The following PDE4D variants were observed in gnomAD, a reference collection of about 807,000 sequenced individuals.
PDE4D encodes phosphodiesterase 4D, also known as 3',5'-cyclic-AMP phosphodiesterase 4D.
A neutral mutation model predicts 87.4 loss-of-function variants in PDE4D; 24 were observed. The observed-to-expected ratio is 0.27, with a 90% CI of 0.20 to 0.39. PDE4D has a LOEUF of 0.39. PDE4D is among the 10% of genes least tolerant of loss of function. PDE4D has a pLI of 1.00. For synonymous variants in PDE4D, 384 were observed against 383.2 expected, an observed-to-expected ratio of 1.00 and a Z score of -0.02; for missense variants, 714 against 1,041.0, an observed-to-expected ratio of 0.69 and a Z score of 4.32.
At chr5:59,060,551 G>A (rs867500594) in intron 5 of PDE4D, among the ~76,000 whole-genome samples, 6 of 151,842 alleles carry the variant, frequency 4.0e-5, no homozygotes, top group Non-Finnish European at 2.9e-5. Context: ...TAAATTTTAC[G>A]TTCAGGGGTA....
At chr5:60,251,457 G>C (rs1327080265) in intron 1 of PDE4D, among the ~76,000 whole-genome samples, 2 of 151,944 alleles carry the variant, frequency 1.3e-5, no homozygotes, top group African/African-American at 4.8e-5. Context: ...AGAACATGCA[G>C]TATTTGGTTT....
chr5:59,319,617 A>T (rs1166402606), intron 1 of PDE4D, among the ~76,000 whole-genome samples: 2 of 152,154 alleles, frequency 1.3e-5, no homozygotes, highest in Non-Finnish European at 2.9e-5. Context: ...TGTGTGAGTG[A>T]AATAACAACA....
At position 60,333,556 on chromosome 5, in the gene PDE4D, T is replaced by C. The variant is rs191502656; in HGVS notation, c.-89-147869A>G. On this transcript the variant is annotated intron_variant, in intron 1 of 16. Coordinates refer to the PDE4D transcript ENST00000502484. ...GAGGCTCAGAAGGTTCCAAATATGG[T>C]TCCAACTCTGTGTCTGACTAACTAA... Among the ~76,000 whole-genome samples, 46 of 152,298 alleles carry C rather than the reference T, an allele frequency of 3.0e-4. 1 individual carries two copies. In the East Asian group the frequency reaches 8.1e-3, roughly 27 times the overall value.
intron 2 of PDE4D, among the ~76,000 whole-genome samples, chr5:60,053,871 C>T (rs563330397): frequency 3.9e-5 from 6 of 152,150 alleles, no homozygotes; most frequent in South Asian, 2.1e-4. Context: ...AAAAAGTGGG[C>T]GAAGGATATG....
intron 1 of PDE4D, among the ~76,000 whole-genome samples, chr5:59,551,159 T>C (rs145575081): frequency 2.2e-4 from 34 of 152,080 alleles, no homozygotes; most frequent in African/African-American, 7.0e-4. Context: ...ATTTTCTTCA[T>C]GCTTTCTCGC....
chr5:59,408,100 C>T (rs1336218299), intron 1 of PDE4D, among the ~76,000 whole-genome samples: 2 of 152,194 alleles, frequency 1.3e-5, no homozygotes, highest in Non-Finnish European at 2.9e-5. Context: ...AAGGCCTTTA[C>T]AGCATTTCAG....
At chr5:59,885,106 G>A (rs933495881) in intron 1 of PDE4D, among the ~76,000 whole-genome samples, 1 of 151,594 alleles carries the variant, frequency 6.6e-6, no homozygotes, top group Non-Finnish European at 1.5e-5. Context: ...CACTGATTTG[G>A]ACTGCTACCT....
At chr5:60,258,477 G>C (rs1242348950) in intron 1 of PDE4D, among the ~76,000 whole-genome samples, 1 of 151,862 alleles carries the variant, frequency 6.6e-6, no homozygotes, top group Non-Finnish European at 1.5e-5. Context: ...GTTCTTTGCT[G>C]GTGAACTTGC....
chr5:59,832,352 A>T (rs1741371817), intron 1 of PDE4D, among the ~76,000 whole-genome samples: 1 of 152,100 alleles, frequency 6.6e-6, no homozygotes, highest in Admixed American at 6.6e-5. Context: ...TGGATTTCTT[A>T]GGAAGATGTT....
intron 2 of PDE4D, among the ~76,000 whole-genome samples, chr5:60,079,844 G>C (rs552386856): frequency 6.6e-6 from 1 of 152,298 alleles, no homozygotes; most frequent in South Asian, 2.1e-4. Flanking sequence ...GCTTGGGATT[G>C]TTTTGGCCAT....
At chr5:59,751,857 C>T (rs1760531077) in intron 1 of PDE4D, among the ~76,000 whole-genome samples, 1 of 152,116 alleles carries the variant, frequency 6.6e-6, no homozygotes, top group Admixed American at 6.5e-5. Context: ...ATATCAAATT[C>T]CTTCCTAGGC....
chr5:59,318,314 C>T (rs577036836), intron 1 of PDE4D, among the ~76,000 whole-genome samples: 1 of 152,078 alleles, frequency 6.6e-6, no homozygotes, highest in Non-Finnish European at 1.5e-5. Context: ...TACAGATAAG[C>T]AAATTGAGGT....
intron 1 of PDE4D, among the ~76,000 whole-genome samples, chr5:59,406,764 T>C (rs1791739555): frequency 6.6e-6 from 1 of 152,214 alleles, no homozygotes; most frequent in Admixed American, 6.5e-5. Flanking sequence ...TCTTTTGTTC[T>C]TACTTGATAA....
At chr5:60,422,755 G>T (rs1743247914) in intron 1 of PDE4D, among the ~76,000 whole-genome samples, 1 of 152,156 alleles carries the variant, frequency 6.6e-6, no homozygotes, top group African/African-American at 2.4e-5. Flanking sequence ...CTGGCAAATT[G>T]GATAAAGAGT....
At chr5:59,996,102 T>C (rs1763504621) in intron 2 of PDE4D, among the ~76,000 whole-genome samples, 1 of 152,214 alleles carries the variant, frequency 6.6e-6, no homozygotes, top group African/African-American at 2.4e-5. Flanking sequence ...GTTCAAATAT[T>C]CTTTCAAATA....
intron 2 of PDE4D, among the ~76,000 whole-genome samples, chr5:60,108,428 T>C (rs965937667): frequency 1.4e-4 from 21 of 152,264 alleles, no homozygotes; most frequent in Non-Finnish European, 1.9e-4. Flanking sequence ...AAAATGGCCA[T>C]ACTGCCCAAG....
At chr5:60,420,929 T>C (rs1036761692) in intron 1 of PDE4D, among the ~76,000 whole-genome samples, 3 of 152,196 alleles carry the variant, frequency 2.0e-5, no homozygotes, top group African/African-American at 7.2e-5. Flanking sequence ...GACTTGCTCA[T>C]TGCTAGCAGA....
At chr5:60,262,796 CAG>C (rs1482527328) in intron 1 of PDE4D, among the ~76,000 whole-genome samples, 2 of 152,012 alleles carry the variant, frequency 1.3e-5, no homozygotes, top group African/African-American at 2.4e-5. Flanking sequence ...TCCCATATGA[CAG>C]GGTATTGTTT....
At chr5:59,135,050 C>T (rs1371547819) in intron 5 of PDE4D, among the ~76,000 whole-genome samples, 2 of 152,084 alleles carry the variant, frequency 1.3e-5, no homozygotes, top group South Asian at 2.1e-4. Context: ...ATTCAGTGCG[C>T]ACCAACAAGA....
Sources: gnomAD v4.1 joint callset for allele counts (sites outside exome capture counted in the v4.1 genomes callset) on GRCh38, gnomAD v4.1.1 for gene constraint, MANE v1.5 for transcripts, NCBI Gene and HGNC (gene_info 2026-07-23, HGNC 2026-07-21) for gene names.